RFX4: variants seen among roughly 807,000 people sequenced by gnomAD.
The protein encoded by RFX4 is transcription factor RFX4.
A neutral mutation model predicts 95.0 loss-of-function variants in RFX4; 10 were observed. The ratio of observed to expected loss-of-function variants is 0.11; its 90% CI spans 0.06 to 0.18. The LOEUF is 0.18. Ranked by LOEUF, RFX4 falls within the 10% of genes least tolerant of loss-of-function variation. The pLI is 1.00. For synonymous variants in RFX4, 321 were observed against 340.7 expected (o/e 0.94, Z 0.64); for missense variants, 640 against 922.0 (o/e 0.69, Z 3.96).
chr12:106,726,357 C>T (rs1173316263), intron 13 of RFX4, among the ~76,000 whole-genome samples: 1 of 152,022 alleles, frequency 6.6e-6, no homozygotes, highest in Non-Finnish European at 1.5e-5. Context: ...ATCTCATTGT[C>T]CTCAGTGCTG....
chr12:106,701,908 C>G (rs2041999225), intron 8 of RFX4, among the ~76,000 whole-genome samples: 1 of 152,012 alleles, frequency 6.6e-6, no homozygotes, highest in East Asian at 1.9e-4. Context: ...TCTAGCCACT[C>G]AAGATGCTGA....
intron 4 of RFX4, among the ~76,000 whole-genome samples, chr12:106,668,777 C>G (rs1592917724): frequency 6.6e-6 from 1 of 152,250 alleles, no homozygotes; most frequent in African/African-American, 2.4e-5. Flanking sequence ...ATAGGTTATT[C>G]TCTCAAATTA....
intron 15 of RFX4, among the ~76,000 whole-genome samples, chr12:106,740,231 T>C (rs2042782921): frequency 6.6e-6 from 1 of 152,224 alleles, no homozygotes; most frequent in African/African-American, 2.4e-5. Flanking sequence ...CCCAGCTGCA[T>C]TTTCTCTACA....
At chr12:106,744,854 T>G (rs548108831) in intron 15 of RFX4, among the ~76,000 whole-genome samples, 110 of 152,356 alleles carry the variant, frequency 7.2e-4, no homozygotes, top group African/African-American at 2.5e-3. Flanking sequence ...GCCATTAGCC[T>G]GCAGTTAGTG....
chr12:106,629,469 G>A (rs1480746634), intron 2 of RFX4, among the ~76,000 whole-genome samples: 1 of 151,964 alleles, frequency 6.6e-6, no homozygotes, highest in Admixed American at 6.6e-5. Flanking sequence ...TGTTTGTTTT[G>A]TTGTTTTGTT....
Position 106,732,224 on chromosome 12 carries a change from A to G in RFX4, c.1446A>G (p.Arg482=). The G allele has an allele frequency of 6.2e-7, 1 of 1,614,056 alleles. No homozygotes were observed. Among genetic ancestry groups the G allele is most frequent in the South Asian group, 1.1e-5 (1 of 91,076 alleles). Residue 482 remains arginine, a synonymous_variant, in exon 14 of 18, where the codon CGA becomes CGG. Coordinates refer to ENST00000392842, the MANE Select transcript of RFX4 (RefSeq NM_213594.3). ...HCQERANELM[R]AMKGEGSTAE... is the part of the protein sequence containing the mutation. ...AGGAGCGGGCCAATGAGCTCATGCG[A>G]GCCATGAAGGGAGAAGGAAGCACTG...
intron 2 of RFX4, among the ~76,000 whole-genome samples, chr12:106,631,970 G>A (rs997991324): frequency 2.3e-4 from 35 of 152,182 alleles, no homozygotes; most frequent in Non-Finnish European, 3.7e-4. Flanking sequence ...CCTTTGAACC[G>A]GAAGTGGTTC....
chr12:106,618,212 T>C (rs1306939848), intron 2 of RFX4, among the ~76,000 whole-genome samples: 1 of 152,018 alleles, frequency 6.6e-6, no homozygotes, highest in Non-Finnish European at 1.5e-5. Flanking sequence ...ATAGATTATA[T>C]ACATAGATTA....
At chr12:106,749,257 CA>C (rs1162244017) in intron 16 of RFX4, among the ~76,000 whole-genome samples, 974 of 49,278 alleles carry the variant, frequency 0.02, 5 homozygotes, top group African/African-American at 0.047. Context: ...TACTCCAACT[CA>C]AAAAAAAAAA....
In RFX4 at chr12:106,583,281, A is replaced by G. The variant is rs1216157106; in HGVS notation, c.-40A>G. The G allele has an allele frequency of 7.1e-6, 11 of 1,556,052 alleles. No individual in the cohort carries two copies. Among genetic ancestry groups the G allele is most frequent in the Non-Finnish European group, 9.5e-6 (11 of 1,158,168 alleles). ...CTAGCACAGGGGATCCCCAAACATC[A>G]GGACTTTTGGGGGGCGCCTGTGCTG... On this transcript the variant is annotated 5_prime_UTR_variant, in exon 1 of 18. Transcript: ENST00000392842.
At chr12:106,590,332 C>A (rs913767385) in intron 1 of RFX4, among the ~76,000 whole-genome samples, 4 of 152,198 alleles carry the variant, frequency 2.6e-5, no homozygotes, top group African/African-American at 9.7e-5. Flanking sequence ...CTTTGCTAAG[C>A]ATTTTAAGTA....
intron 1 of RFX4, among the ~76,000 whole-genome samples, chr12:106,593,026 T>A (rs78877319): frequency 0.014 from 2,086 of 152,034 alleles, 35 homozygotes; most frequent in Middle Eastern, 0.038. Context: ...GATTACGGAG[T>A]TTATGTGTGT....
chr12:106,638,108 A>C (rs1419557669), intron 2 of RFX4, among the ~76,000 whole-genome samples: 3 of 151,954 alleles, frequency 2.0e-5, no homozygotes, highest in African/African-American at 7.3e-5. Flanking sequence ...CCCAGGTTCA[A>C]GTGATTTTCC....
chr12:106,608,950 T>C (rs2039898206), intron 2 of RFX4, 67 bp downstream of exon 2: 2 of 1,445,290 alleles, frequency 1.4e-6, no homozygotes, highest in Admixed American at 2.0e-5. Flanking sequence ...GGGAGGGTAG[T>C]GCCACTAGAT....
chr12:106,700,542 G>A (rs905911720), intron 8 of RFX4, among the ~76,000 whole-genome samples: 3 of 150,806 alleles, frequency 2.0e-5, no homozygotes, highest in African/African-American at 4.9e-5. Context: ...GAGTAGCTGG[G>A]ACTACAGGCG....
At chr12:106,614,712 T>G (rs1301413945) in intron 2 of RFX4, among the ~76,000 whole-genome samples, 3 of 151,860 alleles carry the variant, frequency 2.0e-5, no homozygotes, top group Admixed American at 6.6e-5. Flanking sequence ...GGTTTCACTG[T>G]GTTAGCCAGG....
rs148912164 is a variant in RFX4, at chr12:106,714,537, G to A, written c.994-863G>A. Among the ~76,000 whole-genome samples, 150 of 152,126 alleles carry A rather than the reference G, an allele frequency of 9.9e-4. 1 individual carries two copies. Among genetic ancestry groups the A allele is most frequent in the African/African-American group, 3.0e-3 (124 of 41,508 alleles). ...CATTAGGAGACTTGACAATGTCTTC[G>A]TGTATTTTAATTTTTTTTATTTTAT... On this transcript the variant is annotated intron_variant, in intron 10 of 17. Transcript: ENST00000392842.
intron 15 of RFX4, among the ~76,000 whole-genome samples, chr12:106,744,121 G>GT (rs1442933143): frequency 6.6e-6 from 1 of 152,166 alleles, no homozygotes; most frequent in Non-Finnish European, 1.5e-5. Flanking sequence ...TTCACATGAA[G>GT]TTCAAAACAT....
intron 1 of RFX4, among the ~76,000 whole-genome samples, chr12:106,605,216 G>A (rs2039803036): frequency 6.6e-6 from 1 of 152,172 alleles, no homozygotes; most frequent in Non-Finnish European, 1.5e-5. Context: ...AGAACACAGT[G>A]TTTCATTCAA....
Sources: gnomAD v4.1 joint callset for allele counts (sites outside exome capture counted in the v4.1 genomes callset) on GRCh38, gnomAD v4.1.1 for gene constraint, MANE v1.5 for transcripts, NCBI Gene and HGNC (gene_info 2026-07-23, HGNC 2026-07-21) for gene names.